FAM193A: variants seen among roughly 807,000 people sequenced by gnomAD.
FAM193A encodes protein FAM193A.
In FAM193A, 22 loss-of-function variants were observed where a neutral mutation model predicts 126.5. The ratio of observed to expected loss-of-function variants is 0.17; its 90% CI spans 0.12 to 0.25. The LOEUF (loss-of-function observed/expected upper bound fraction) is 0.25. Among genes scored for constraint, FAM193A ranks in the 10% least tolerant of loss-of-function variants. The pLI is 1.00. For missense variants in FAM193A, 1,675 were observed against 1,672.8 expected, an observed-to-expected ratio of 1.00 and a Z score of -0.02; for synonymous variants, 761 against 646.8, an observed-to-expected ratio of 1.18 and a Z score of -2.68.
chr4:2,622,011 T>C (rs1742575030), intron 2 of FAM193A, among the ~76,000 whole-genome samples: 1 of 152,010 alleles, frequency 6.6e-6, no homozygotes, highest in Non-Finnish European at 1.5e-5. Flanking sequence ...TCCCAGCACT[T>C]TGGGAAATGA....
intron 13 of FAM193A, among the ~76,000 whole-genome samples, chr4:2,686,335 T>G (rs143914148): frequency 2.8e-3 from 421 of 152,304 alleles, no homozygotes; most frequent in African/African-American, 7.7e-3. Context: ...AGCTAGACAC[T>G]GTTCAGCAAA....
intron 13 of FAM193A, among the ~76,000 whole-genome samples, chr4:2,686,244 A>G (rs1284729966): frequency 6.6e-6 from 1 of 152,222 alleles, no homozygotes; most frequent in Non-Finnish European, 1.5e-5. Flanking sequence ...GGTTCTGAAT[A>G]GTGTGTAAAT....
chr4:2,690,577 A>G (rs192566016), intron 14 of FAM193A, 121 bp from the exon 15 acceptor site: 28 of 866,152 alleles, frequency 3.2e-5, no homozygotes, highest in South Asian at 7.1e-5. Context: ...GTGTCATCCC[A>G]GTGGGATCCT....
intron 6 of FAM193A, among the ~76,000 whole-genome samples, chr4:2,645,861 A>G (rs1391251506): frequency 6.6e-6 from 1 of 152,224 alleles, no homozygotes; most frequent in Non-Finnish European, 1.5e-5. Context: ...TATAGTAGAC[A>G]GAAAACTGTA....
chr4:2,678,894 C>G (rs894509545), intron 13 of FAM193A, among the ~76,000 whole-genome samples: 1 of 152,196 alleles, frequency 6.6e-6, no homozygotes, highest in Non-Finnish European at 1.5e-5. Context: ...TTCTTCCTTT[C>G]CAGTTTAGAT....
rs375818523 is a variant in FAM193A at position 2,677,515 on chromosome 4, C to T, written c.2331+5143C>T. ...CAGCACTTTGGGAGGCTGAGGCGGG[C>T]GGATCACGAGGTCAGGAGATCGAGA... On this transcript the variant is annotated intron_variant, in intron 13 of 20. Coordinates refer to ENST00000637812, the MANE Select transcript of FAM193A (RefSeq NM_001366318.2). Among the ~76,000 whole-genome samples the T allele has an allele frequency of 5.6e-4, 85 of 151,550 alleles. 2 individuals are homozygous for T. The South Asian group carries it at 0.015, about 26-fold the overall frequency.
chr4:2,629,152 A>C (rs2108991648), intron 4 of FAM193A, among the ~76,000 whole-genome samples: 1 of 151,660 alleles, frequency 6.6e-6, no homozygotes, highest in African/African-American at 2.4e-5. Context: ...TATATAACTT[A>C]AAAAAAAATC....
At chr4:2,730,736 T>C (rs1721283661) in intron 20 of FAM193A, among the ~76,000 whole-genome samples, 1 of 144,778 alleles carries the variant, frequency 6.9e-6, no homozygotes, top group Admixed American at 7.0e-5. Flanking sequence ...CTACAAAAAA[T>C]ACAAAAATTA....
At chr4:2,577,709 A>C (rs113057799) in intron 1 of FAM193A, among the ~76,000 whole-genome samples, 28 of 152,140 alleles carry the variant, frequency 1.8e-4, no homozygotes, top group African/African-American at 6.5e-4. Context: ...GTCAGCCACC[A>C]CACCTGACCT....
chr4:2,565,127 C>T (rs1228123380), intron 1 of FAM193A, among the ~76,000 whole-genome samples: 2 of 151,628 alleles, frequency 1.3e-5, no homozygotes, highest in South Asian at 4.2e-4. Context: ...AGGTGTTAGC[C>T]TGTTTTTTTT....
chr4:2,536,343 T>C (rs1441683326), upstream of FAM193A, among the ~76,000 whole-genome samples: 1 of 150,918 alleles, frequency 6.6e-6, no homozygotes, highest in Non-Finnish European at 1.5e-5. Context: ...AGCGAGGCGG[T>C]GACATCACCG....
chr4:2,692,247 C>T (rs964048451), intron 15 of FAM193A, among the ~76,000 whole-genome samples: 18 of 152,150 alleles, frequency 1.2e-4, no homozygotes, highest in Admixed American at 2.6e-4. Context: ...GGGGAGAGAA[C>T]GAGTACACGG....
chr4:2,644,255 A>T (rs1303852579), intron 6 of FAM193A, among the ~76,000 whole-genome samples: 1 of 152,142 alleles, frequency 6.6e-6, no homozygotes, highest in Non-Finnish European at 1.5e-5. Context: ...GGCTCAAAAT[A>T]ATCTGAATTC....
At chr4:2,552,309 C>T (rs1043839846) in intron 1 of FAM193A, among the ~76,000 whole-genome samples, 26 of 5,114 alleles carry the variant, frequency 5.1e-3, no homozygotes, top group African/African-American at 5.8e-3. Flanking sequence ...CCGCGCCCGG[C>T]TGATTTTTTT....
At chr4:2,692,874 A>G (rs1209873837) in intron 15 of FAM193A, among the ~76,000 whole-genome samples, 1 of 151,994 alleles carries the variant, frequency 6.6e-6, no homozygotes, top group Non-Finnish European at 1.5e-5. Context: ...AGGGAAAGAA[A>G]GAAAAGAAAA....
chr4:2,648,508 T>G (rs1183287583), intron 7 of FAM193A, among the ~76,000 whole-genome samples: 1 of 152,240 alleles, frequency 6.6e-6, no homozygotes, highest in African/African-American at 2.4e-5. Context: ...CCAGAGACTT[T>G]CCTGCTGTGG....
chr4:2,590,905 T>C (rs2108897788), intron 1 of FAM193A, among the ~76,000 whole-genome samples: 1 of 151,792 alleles, frequency 6.6e-6, no homozygotes, highest in East Asian at 2.0e-4. Context: ...CGCGCGCCTG[T>C]AATCCCAGCT....
intron 1 of FAM193A, among the ~76,000 whole-genome samples, chr4:2,541,025 C>G (rs964963515): frequency 3.3e-5 from 5 of 150,322 alleles, no homozygotes; most frequent in African/African-American, 1.2e-4. Context: ...AATCCTAGCA[C>G]TTTGGGAAGC....
intron 1 of FAM193A, among the ~76,000 whole-genome samples, chr4:2,549,387 C>CT (rs1346063587): frequency 7.0e-6 from 1 of 142,202 alleles, no homozygotes; most frequent in Non-Finnish European, 1.5e-5. Flanking sequence ...TCTATGTTTT[C>CT]TTTTTTTCTT....
Sources: gnomAD v4.1 joint callset for allele counts (sites outside exome capture counted in the v4.1 genomes callset) on GRCh38, gnomAD v4.1.1 for gene constraint, MANE v1.5 for transcripts, NCBI Gene and HGNC (gene_info 2026-07-23, HGNC 2026-07-21) for gene names.